The following SLC6A16 variants were observed in gnomAD, a reference collection of about 807,000 sequenced individuals.
The protein encoded by SLC6A16 is orphan sodium- and chloride-dependent neurotransmitter transporter NTT5.
SLC6A16 carries 54 observed loss-of-function variants against 65.4 expected under a neutral mutation model. The observed-to-expected ratio is 0.83, with a 90% CI of 0.66 to 1.04. SLC6A16 has a LOEUF of 1.04. SLC6A16 is among the 50% of genes least tolerant of loss of function. The probability of loss-of-function intolerance (pLI) is 0.00; values close to 1 mark genes in which losing one functional copy is unlikely to be tolerated. For synonymous variants in SLC6A16, 330 were observed against 346.5 expected, an observed-to-expected ratio of 0.95 and a Z score of 0.53; for missense variants, 816 against 914.0, an observed-to-expected ratio of 0.89 and a Z score of 1.38.
chr19:49,335,304 A>G, the SLC6A16 span: 2 of 556,826 alleles, frequency 3.6e-6, no homozygotes, highest in South Asian at 4.5e-5. This position sits in a 1 kb window ranked among gnomAD's most constrained non-coding sequence, Gnocchi z 4.6. Flanking sequence ...GTACCAGAGC[A>G]TGTGTCCCAG....
the SLC6A16 span, chr19:49,340,158 G>T: frequency 6.6e-7 from 1 of 1,514,946 alleles, no homozygotes. Context: ...CCAATTCACG[G>T]CCCCACCCCT....
intron 7 of SLC6A16, among the ~76,000 whole-genome samples, chr19:49,305,449 G>A (rs990773853): frequency 6.6e-6 from 1 of 152,040 alleles, no homozygotes; most frequent in Non-Finnish European, 1.5e-5. Context: ...AAAATCAGCT[G>A]GGTGTGGTGG....
In SLC6A16 at chr19:49,290,098, G is replaced by A. The variant is rs962476910; in HGVS notation, c.*25C>T. 1.2e-6 allele frequency: 2 copies of A among 1,608,004 alleles called. No individual in the cohort carries two copies. Among genetic ancestry groups the A allele is most frequent in the African/African-American group, 2.7e-5 (2 of 74,782 alleles). On this transcript the variant is annotated 3_prime_UTR_variant, in exon 12 of 12. Coordinates refer to ENST00000335875, the MANE Select transcript of SLC6A16 (RefSeq NM_014037.3). ...CTATTGGATCTGTTCTAAGGGATAT[G>A]TTATGTGAAGCCAAATTAATGAAGT...
At chr19:49,293,167 G>T in intron 10 of SLC6A16, 56 bp downstream of exon 10, 3 of 1,565,778 alleles carry the variant, frequency 1.9e-6, no homozygotes, top group South Asian at 2.3e-5. Flanking sequence ...AACAAAAAAG[G>T]GGTCACCCTT....
At position 49,290,028 on chromosome 19, in the gene SLC6A16, T is replaced by C; in HGVS notation, c.*95A>G. On this transcript the variant is annotated 3_prime_UTR_variant, in exon 12 of 12. Coordinates refer to ENST00000335875, the MANE Select transcript of SLC6A16 (RefSeq NM_014037.3). ...CTCCTCTTGGAAATAAAAGTGGTTCTGGATCCAGGGAGATCAACAGTTGCA... is the reference window on the plus strand; with the variant it reads ...CTCCTCTTGGAAATAAAAGTGGTTCCGGATCCAGGGAGATCAACAGTTGCA... The C allele has an allele frequency of 7.5e-7, 1 of 1,338,748 alleles. No homozygotes were observed. Among genetic ancestry groups the C allele is most frequent in the Admixed American group, 2.1e-5 (1 of 48,350 alleles). 82.9% of individuals were successfully genotyped at this position (1,338,748 alleles called of 1,614,324 possible). A position where few individuals can be genotyped will look rare whatever the true frequency, so the allele number is the denominator to read the frequency against.
chr19:49,309,578 A>G, intron 5 of SLC6A16, 73 bp downstream of exon 5: 1 of 1,440,890 alleles, frequency 6.9e-7, no homozygotes, highest in Non-Finnish European at 9.7e-7. Flanking sequence ...AGATTAGGAG[A>G]TCAACAAGTA....
chr19:49,337,317 C>A, the SLC6A16 span: 1 of 1,185,350 alleles, frequency 8.4e-7, no homozygotes, highest in Non-Finnish European at 1.2e-6. Flanking sequence ...CAAGGGCAGA[C>A]AGGGGCTAAC....
intron 5 of SLC6A16, 46 bp from the exon 6 acceptor site, chr19:49,309,457 T>A: frequency 6.8e-7 from 1 of 1,469,470 alleles, no homozygotes; most frequent in Non-Finnish European, 9.5e-7. Flanking sequence ...CCAGTAGGGG[T>A]CAACCAACAG....
At chr19:49,310,892 T>C (rs920826091) in intron 2 of SLC6A16, 41 bp downstream of exon 2, 10 of 1,423,952 alleles carry the variant, frequency 7.0e-6, no homozygotes, top group Non-Finnish European at 9.8e-6. Context: ...TCTGTCCTGA[T>C]TGCCCCTTGT....
the SLC6A16 span, chr19:49,331,779 C>T: frequency 6.6e-6 from 3 of 457,222 alleles, no homozygotes; most frequent in Non-Finnish European, 1.3e-5. Flanking sequence ...AGACCAGTCA[C>T]ATGGCCTCAA....
chr19:49,308,924 C>G lies in SLC6A16; in HGVS notation c.1181G>C (p.Cys394Ser). 6.2e-7 allele frequency: 1 copy of G among 1,614,132 alleles called. No homozygotes were observed. The highest frequency in any genetic ancestry group is 8.5e-7 in the Non-Finnish European group (1 of 1,180,038). Residue 394 changes from cysteine (C) to serine (S), a missense_variant, in exon 7 of 12, where the codon TGT becomes TCT. Transcript: ENST00000335875. ...TLLVFTSFNF[C>S]VLGFWATVIT... ...GACTGTCGCCCAGAAGCCCAGGACA[C>G]AGAAGTTGAAAGATGTGAAAACCAA...
chr19:49,319,314 C>T (rs971002061), intron 1 of SLC6A16, among the ~76,000 whole-genome samples: 4 of 151,838 alleles, frequency 2.6e-5, no homozygotes, highest in Admixed American at 1.3e-4. Flanking sequence ...AGAACTGAAG[C>T]TTGAGAAACT....
chr19:49,295,398 T>C (rs963625009), intron 7 of SLC6A16, among the ~76,000 whole-genome samples: 1 of 151,072 alleles, frequency 6.6e-6, no homozygotes, highest in Non-Finnish European at 1.5e-5. Flanking sequence ...AAAATTCAGC[T>C]CATTGCTCTG....
At chr19:49,330,797 C>T in the SLC6A16 span, among the ~76,000 whole-genome samples, 3 of 152,012 alleles carry the variant, frequency 2.0e-5, no homozygotes, top group Non-Finnish European at 2.9e-5. Flanking sequence ...CAAAAATTAG[C>T]TGGGCATGAT....
chr19:49,338,912 T>C, the SLC6A16 span: 1 of 1,613,684 alleles, frequency 6.2e-7, no homozygotes, highest in Non-Finnish European at 8.5e-7. The surrounding 1 kb of genome is among the most constrained non-coding windows in gnomAD (Gnocchi z 5.0). Context: ...GCGCTGTCCC[T>C]GCAGAGAGCC....
upstream of SLC6A16, among the ~76,000 whole-genome samples, chr19:49,330,040 C>T (rs1970833735): frequency 6.6e-6 from 1 of 151,748 alleles, no homozygotes; most frequent in Admixed American, 6.6e-5. Flanking sequence ...ATCACTTGAG[C>T]CCAGGAGATT....
the SLC6A16 span, among the ~76,000 whole-genome samples, chr19:49,330,479 A>G: frequency 2.6e-5 from 4 of 152,210 alleles, no homozygotes; most frequent in Non-Finnish European, 4.4e-5. Flanking sequence ...TTTAGAAGCT[A>G]GAAAAAGGAC....
the SLC6A16 span, chr19:49,336,037 GCCCCCACAAACCT>G: frequency 3.7e-6 from 2 of 545,320 alleles, no homozygotes; most frequent in Non-Finnish European, 6.5e-6. Flanking sequence ...CTGGTCAGAT[GCCCCCACAAACCT>G]TCCCCTCGCT....
At chr19:49,300,251 T>A (rs911836136) in intron 7 of SLC6A16, among the ~76,000 whole-genome samples, 1 of 152,144 alleles carries the variant, frequency 6.6e-6, no homozygotes, top group Non-Finnish European at 1.5e-5. Flanking sequence ...GGCAGGAGAA[T>A]CACTTGAACC....
Sources: allele counts gnomAD v4.1 joint callset (sites outside exome capture counted in the v4.1 genomes callset), GRCh38; gene constraint gnomAD v4.1.1; non-coding constraint Gnocchi (gnomAD v3.1); transcripts MANE v1.5; gene names NCBI Gene and HGNC (gene_info 2026-07-23, HGNC 2026-07-21).